Variants in ELMO1 observed in about 807,000 individuals in gnomAD.
ELMO1 encodes engulfment and cell motility protein 1.
In ELMO1, 26 loss-of-function variants were observed where a neutral mutation model predicts 98.9. That is an observed-to-expected ratio of 0.26 (90% CI 0.19 to 0.36). ELMO1 has a LOEUF of 0.36. Ranked by LOEUF, ELMO1 falls within the 10% of genes least tolerant of loss-of-function variation. The pLI is 1.00. For missense variants in ELMO1, 627 were observed against 935.2 expected (o/e 0.67, Z 4.30); for synonymous variants, 346 against 346.0 (o/e 1.00, Z 0.00).
intron 11 of ELMO1, 122 bp from the exon 12 acceptor site, chr7:37,213,579 T>A: frequency 6.9e-6 from 6 of 866,712 alleles, no homozygotes; most frequent in South Asian, 2.0e-5. Context: ...AGAAGGAAGG[T>A]GAGGGCACAG....
intron 7 of ELMO1, among the ~76,000 whole-genome samples, chr7:37,237,719 T>C (rs1794555431): frequency 6.6e-6 from 1 of 152,260 alleles, no homozygotes; most frequent in Non-Finnish European, 1.5e-5. Flanking sequence ...TTTTTCCATC[T>C]GTTTTCCTCC....
rs368371974 is a variant in ELMO1, at chr7:37,211,374, T to C, written c.1086+12A>G. ...CTGGAGGGAGAGCGCATACTGGAGA[T>C]AGCTTACTTACAATGAACCCAAGCT... On this transcript the variant is annotated intron_variant, in intron 13 of 21. Transcript: ENST00000310758. The C allele has an allele frequency of 1.1e-5, 17 of 1,613,774 alleles. No individual in the cohort carries two copies. The highest frequency in any genetic ancestry group is 2.2e-5 in the East Asian group (1 of 44,868).
chr7:37,083,175 A>T (rs1475626740), intron 15 of ELMO1, among the ~76,000 whole-genome samples: 2 of 152,184 alleles, frequency 1.3e-5, no homozygotes, highest in African/African-American at 2.4e-5. Context: ...TCTCTTAGGC[A>T]CTGTGAGTGG....
chr7:37,271,400 A>G (rs2717974), intron 5 of ELMO1: 70,369 of 169,562 alleles, frequency 0.42, 15,293 homozygotes, highest in Middle Eastern at 0.55. Context: ...GCTGTAACAC[A>G]GAAGTTGTTA....
chr7:37,262,470 T>C (rs1013646607), intron 5 of ELMO1, among the ~76,000 whole-genome samples: 3 of 152,194 alleles, frequency 2.0e-5, no homozygotes, highest in Non-Finnish European at 2.9e-5. Context: ...GGAAAGTTCC[T>C]ACAGAACTAT....
chr7:37,431,967 C>T (rs1804950519), intron 1 of ELMO1, among the ~76,000 whole-genome samples: 2 of 152,108 alleles, frequency 1.3e-5, no homozygotes, highest in Non-Finnish European at 2.9e-5. Flanking sequence ...CCACAGCCTC[C>T]GTCTCTCAGC....
chr7:37,287,078 A>G (rs1240921917), intron 4 of ELMO1, among the ~76,000 whole-genome samples: 2 of 151,992 alleles, frequency 1.3e-5, no homozygotes, highest in Admixed American at 1.3e-4. Context: ...CTATAGTTCC[A>G]GCTATTTGAG....
At chr7:37,216,769 T>A in intron 10 of ELMO1, 74 bp from the exon 11 acceptor site, 1 of 1,524,922 alleles carries the variant, frequency 6.6e-7, no homozygotes, top group Non-Finnish European at 9.1e-7. Flanking sequence ...AAAATGACCT[T>A]ATCCTGGGGT....
chr7:37,297,916 A>G (rs1247719648), intron 4 of ELMO1, among the ~76,000 whole-genome samples: 1 of 152,252 alleles, frequency 6.6e-6, no homozygotes, highest in Non-Finnish European at 1.5e-5. Context: ...CTTGTAAAAC[A>G]CAAATATACT....
At chr7:37,026,167 T>G (rs1160543791) in intron 15 of ELMO1, among the ~76,000 whole-genome samples, 1 of 152,178 alleles carries the variant, frequency 6.6e-6, no homozygotes, top group Admixed American at 6.5e-5. Context: ...TGGATATAAG[T>G]AATTGCCTGT....
At position 36,873,401 on chromosome 7, in the gene ELMO1, G is replaced by C. The variant is rs114322784; in HGVS notation, c.1823-2926C>G. The stretch of plus-strand genomic sequence containing the variant: ...GTGTGGAAGCAAGATAAAGAAGTGG[G>C]CTCCAGATCTGTGAGAATCAGGGTC... On this transcript the variant is annotated intron_variant, in intron 19 of 21. Transcript: ENST00000310758. 5.9e-3 allele frequency among the ~76,000 whole-genome samples: 900 copies of C among 152,284 alleles called. 13 individuals are homozygous for C. Among genetic ancestry groups the C allele is most frequent in the African/African-American group, 0.02 (842 of 41,548 alleles).
chr7:37,180,778 ACACACACATATGCACATATG>A (rs941826728), intron 13 of ELMO1, among the ~76,000 whole-genome samples: 15 of 150,640 alleles, frequency 1.0e-4, no homozygotes, highest in African/African-American at 3.5e-4. Context: ...GTATATATAC[ACACACACATATGCACATATG>A]CACACACATA....
At chr7:37,424,803 T>C (rs1262967071) in intron 1 of ELMO1, among the ~76,000 whole-genome samples, 1 of 152,034 alleles carries the variant, frequency 6.6e-6, no homozygotes, top group Non-Finnish European at 1.5e-5. Context: ...GGGGACCTCT[T>C]GGAACATTTT....
intron 4 of ELMO1, among the ~76,000 whole-genome samples, chr7:37,293,064 C>A (rs1480598411): frequency 2.7e-5 from 1 of 37,338 alleles, no homozygotes; most frequent in African/African-American, 6.4e-5. Context: ...GCCCCCTGCC[C>A]GGCCAGCCGC....
intron 15 of ELMO1, among the ~76,000 whole-genome samples, chr7:37,041,475 C>T (rs1237186369): frequency 1.3e-5 from 2 of 152,128 alleles, no homozygotes; most frequent in African/African-American, 2.4e-5. Flanking sequence ...AAGACACACA[C>T]GTTTATCAGG....
At chr7:37,266,885 C>T (rs561183763) in intron 5 of ELMO1, among the ~76,000 whole-genome samples, 4 of 151,978 alleles carry the variant, frequency 2.6e-5, no homozygotes, top group South Asian at 4.2e-4. Context: ...TGATGGCGTA[C>T]GCCTGTAGTC....
chr7:37,394,909 G>A (rs1385680296), intron 1 of ELMO1, among the ~76,000 whole-genome samples: 1 of 152,170 alleles, frequency 6.6e-6, no homozygotes, highest in East Asian at 1.9e-4. Flanking sequence ...TTACCGGAAT[G>A]TTTCAAGGTC....
intron 7 of ELMO1, among the ~76,000 whole-genome samples, chr7:37,233,778 A>C (rs1253634592): frequency 6.6e-6 from 1 of 152,236 alleles, no homozygotes; most frequent in East Asian, 1.9e-4. Flanking sequence ...ACAAACATGT[A>C]TGCAAGTAAA....
At chr7:37,424,105 C>A (rs1284956834) in intron 1 of ELMO1, among the ~76,000 whole-genome samples, 1 of 152,180 alleles carries the variant, frequency 6.6e-6, no homozygotes, top group Non-Finnish European at 1.5e-5. Flanking sequence ...AACTAAGAGG[C>A]CAGGTGCATG....
Sources: gnomAD v4.1 joint callset for allele counts (sites outside exome capture counted in the v4.1 genomes callset) on GRCh38, gnomAD v4.1.1 for gene constraint, MANE v1.5 for transcripts, NCBI Gene and HGNC (gene_info 2026-07-23, HGNC 2026-07-21) for gene names.